The following DNAH8 variants were observed in gnomAD, a reference collection of about 807,000 sequenced individuals.
DNAH8 encodes axonemal beta dynein heavy chain 8.
Under a neutral mutation model 562.1 loss-of-function variants are expected in DNAH8, and 382 were observed. The ratio of observed to expected loss-of-function variants is 0.68; its 90% CI spans 0.63 to 0.74. DNAH8 has a LOEUF of 0.74. DNAH8 is among the 30% of genes least tolerant of loss of function. The probability of loss-of-function intolerance (pLI) is 0.00; values close to 1 mark genes in which losing one functional copy is unlikely to be tolerated. For synonymous variants in DNAH8, 1,881 were observed against 1,919.4 expected, an observed-to-expected ratio of 0.98 and a Z score of 0.52; for missense variants, 5,203 against 5,620.4, an observed-to-expected ratio of 0.93 and a Z score of 2.37.
chr6:38,766,314 A>C (rs971107531), intron 11 of DNAH8, among the ~76,000 whole-genome samples: 1 of 152,124 alleles, frequency 6.6e-6, no homozygotes, highest in Non-Finnish European at 1.5e-5. Flanking sequence ...CTCTATGTGG[A>C]ATCTAAAAAA....
At position 38,978,290 on chromosome 6, in the gene DNAH8, A is replaced by G. The variant is rs1185596247; in HGVS notation, c.12834+3761A>G. Among the ~76,000 whole-genome samples, 6 of 152,180 alleles carry G rather than the reference A, an allele frequency of 3.9e-5. No homozygotes were observed. In the South Asian group the frequency reaches 8.3e-4, roughly 21 times the overall value. Reference sequence around the variant, plus strand: ...TTAGATAGTAAATAAAAGGGGCCCTATCAATAGGGCCCAGGGAATCTCACT... The same window carrying G: ...TTAGATAGTAAATAAAAGGGGCCCTGTCAATAGGGCCCAGGGAATCTCACT... On this transcript the variant is annotated intron_variant, in intron 85 of 92. Transcript: ENST00000327475.
chr6:38,918,189 G>A (rs1245329584), intron 70 of DNAH8, 49 bp downstream of exon 70: 3 of 1,375,528 alleles, frequency 2.2e-6, no homozygotes. Context: ...CATAAAATCA[G>A]TCATCAGTAT....
At chr6:38,819,842 T>G (rs1772656618) in intron 26 of DNAH8, among the ~76,000 whole-genome samples, 1 of 152,146 alleles carries the variant, frequency 6.6e-6, no homozygotes, top group African/African-American at 2.4e-5. Context: ...ATACAATTAA[T>G]GTATAATAGA....
Position 38,766,135 on chromosome 6 carries a change from T to TTGTGTG in DNAH8, c.1618-4275_1618-4274insGTGTGT, listed in dbSNP as rs774448668. 3.3e-3 allele frequency among the ~76,000 whole-genome samples: 430 copies of TTGTGTG among 129,012 alleles called. 1 individual carries two copies. Among genetic ancestry groups the TTGTGTG allele is most frequent in the African/African-American group, 0.014 (413 of 29,990 alleles). The allele number at this position is 129,012 out of a possible 152,430, so 84.6% of individuals were successfully genotyped here. On this transcript the variant is annotated intron_variant, in intron 11 of 92. Coordinates refer to ENST00000327475, the MANE Select transcript of DNAH8 (RefSeq NM_001206927.2). ...GGTATGTATGTATATATGTATGTGTTTGTATGTGTGTGTGTGTGTGTTTGT... is the reference window on the plus strand; with the variant it reads ...GGTATGTATGTATATATGTATGTGTTTGTGTGTGTATGTGTGTGTGTGTGTGTTTGT...
intron 18 of DNAH8, among the ~76,000 whole-genome samples, chr6:38,788,425 C>T (rs1195419497): frequency 1.3e-5 from 2 of 152,218 alleles, no homozygotes; most frequent in East Asian, 1.9e-4. Context: ...GCTGGGATTA[C>T]AGGCCTGAGC....
chr6:38,803,623 G>A (rs921983496), intron 22 of DNAH8, among the ~76,000 whole-genome samples: 20 of 148,336 alleles, frequency 1.3e-4, no homozygotes, highest in African/African-American at 5.0e-4. Context: ...TTCTGGTGCA[G>A]CATTCTTATC....
intron 21 of DNAH8, among the ~76,000 whole-genome samples, chr6:38,794,029 G>A (rs1453245405): frequency 6.6e-6 from 1 of 152,152 alleles, no homozygotes; most frequent in Non-Finnish European, 1.5e-5. Context: ...TTACCAAGTT[G>A]GGACAACTTT....
At chr6:38,879,707 G>A (rs781514171) in intron 53 of DNAH8, among the ~76,000 whole-genome samples, 1 of 147,520 alleles carries the variant, frequency 6.8e-6, no homozygotes, top group African/African-American at 2.5e-5. Context: ...TTGTACTAGA[G>A]GTTCTAGCCA....
At chr6:38,823,058 T>C in intron 27 of DNAH8, 24 bp downstream of exon 27, 2 of 1,541,156 alleles carry the variant, frequency 1.3e-6, no homozygotes, top group Non-Finnish European at 1.7e-6. Flanking sequence ...ACTTGTGATG[T>C]TGTTTGGGTT....
chr6:38,800,681 T>A (rs1370302082), intron 21 of DNAH8, among the ~76,000 whole-genome samples: 8 of 152,082 alleles, frequency 5.3e-5, no homozygotes, highest in Non-Finnish European at 7.4e-5. Flanking sequence ...CATGCCCGGT[T>A]AATGTTTGTA....
Position 38,758,078 on chromosome 6 carries a change from G to C in DNAH8, c.1515+1999G>C, listed in dbSNP as rs1294777603. 2.0e-5 allele frequency among the ~76,000 whole-genome samples: 3 copies of C among 152,192 alleles called. No individual in the cohort carries two copies. In the East Asian group the frequency reaches 5.8e-4, roughly 29 times the overall value. On this transcript the variant is annotated intron_variant, in intron 10 of 92. Transcript: ENST00000327475. ...AATTCTATGAAGAAAGTCATAGGTA[G>C]CTTGATGGGGATGGCACTGAATCTA...
chr6:38,877,479 G>A (rs1421006278), intron 53 of DNAH8, among the ~76,000 whole-genome samples: 1 of 152,172 alleles, frequency 6.6e-6, no homozygotes, highest in Non-Finnish European at 1.5e-5. Flanking sequence ...AGGTGGTCCT[G>A]AAGTGGTCTG....
chr6:38,759,334 C>CAAAG (rs1458515977), intron 10 of DNAH8, among the ~76,000 whole-genome samples: 2 of 151,806 alleles, frequency 1.3e-5, no homozygotes, highest in African/African-American at 4.8e-5. Flanking sequence ...AACAAACAAA[C>CAAAG]AAACAAACCA....
Position 38,917,928 on chromosome 6 carries a change from A to T in DNAH8, c.10312A>T (p.Met3438Leu), listed in dbSNP as rs779006612. 1 of 1,606,910 alleles carries T rather than the reference A, an allele frequency of 6.2e-7. No individual in the cohort carries two copies. The highest frequency in any genetic ancestry group is 8.5e-7 in the Non-Finnish European group (1 of 1,176,724). ...KPSWGESLKL[M>L]SATGFLWSLQ... Reference sequence around the variant, plus strand: ...AGGTTATAATACTATTTTTCAGTTGATGAGTGCAACAGGATTCCTGTGGAG... The same window carrying T: ...AGGTTATAATACTATTTTTCAGTTGTTGAGTGCAACAGGATTCCTGTGGAG... Residue 3438 changes from methionine to leucine, a missense_variant, in exon 70 of 93, where the codon ATG (methionine) becomes TTG (leucine). Physicochemically the swap from Met to Leu is conservative, Grantham distance 15. Coordinates refer to ENST00000327475, the MANE Select transcript of DNAH8 (RefSeq NM_001206927.2).
chr6:38,818,560 ATG>A (rs1772513140), intron 26 of DNAH8, among the ~76,000 whole-genome samples: 1 of 147,218 alleles, frequency 6.8e-6, no homozygotes. Context: ...AAAAGAAGAT[ATG>A]GGATATTGGA....
At chr6:38,734,330 C>CCCG (rs1582856960) in intron 4 of DNAH8, 144 bp from the exon 5 acceptor site, 1 of 738,256 alleles carries the variant, frequency 1.4e-6, no homozygotes, top group East Asian at 5.7e-5. Flanking sequence ...TAGTAGACCC[C>CCCG]CCCCCAAAAA....
At chr6:39,024,749 A>T (rs146522318) in intron 91 of DNAH8, among the ~76,000 whole-genome samples, 118 of 152,364 alleles carry the variant, frequency 7.7e-4, no homozygotes, top group African/African-American at 2.6e-3. Flanking sequence ...TTGACCAGCC[A>T]TTGCTACCAG....
At chr6:38,980,129 C>T (rs2150708657) in intron 85 of DNAH8, among the ~76,000 whole-genome samples, 1 of 152,230 alleles carries the variant, frequency 6.6e-6, no homozygotes, top group East Asian at 1.9e-4. Flanking sequence ...GGGTGAGCCT[C>T]AGCATTGACC....
intron 52 of DNAH8, among the ~76,000 whole-genome samples, chr6:38,873,655 TATA>T (rs1395321222): frequency 9.2e-5 from 14 of 152,000 alleles, no homozygotes; most frequent in African/African-American, 3.4e-4. Flanking sequence ...ATAAAGTGTG[TATA>T]ATAATGACAG....
Sources: gnomAD v4.1 joint callset for allele counts (sites outside exome capture counted in the v4.1 genomes callset) on GRCh38, gnomAD v4.1.1 for gene constraint, MANE v1.5 for transcripts, NCBI Gene and HGNC (gene_info 2026-07-23, HGNC 2026-07-21) for gene names.